The following RARRES1 variants were observed in gnomAD, a reference collection of about 807,000 sequenced individuals.
RARRES1 encodes the protein retinoic acid receptor responder 1.
A neutral mutation model predicts 30.6 loss-of-function variants in RARRES1; 34 were observed. The observed-to-expected ratio is 1.11, with a 90% CI of 0.84 to 1.48. RARRES1 has a LOEUF of 1.48. Among genes scored for constraint, RARRES1 ranks in the 40% most tolerant of loss-of-function variants. The pLI is 0.00. For synonymous variants in RARRES1, 153 were observed against 155.5 expected (o/e 0.98, Z 0.12); for missense variants, 373 against 386.5 (o/e 0.97, Z 0.29).
chr3:158,715,311 C>T (rs956019639), intron 1 of RARRES1, among the ~76,000 whole-genome samples: 9 of 152,328 alleles, frequency 5.9e-5, no homozygotes, highest in East Asian at 1.9e-4. Flanking sequence ...TGTGGCAGAT[C>T]GCAGCCTGCG....
intron 1 of RARRES1, among the ~76,000 whole-genome samples, chr3:158,730,947 C>G (rs1211594697): frequency 1.3e-5 from 2 of 152,062 alleles, no homozygotes; most frequent in East Asian, 3.9e-4. Context: ...CCACACCCAG[C>G]TAATTTTGTA....
In RARRES1 at chr3:158,731,835, A is replaced by C. The variant is rs1727897358; in HGVS notation, c.276+305T>G. Among the ~76,000 whole-genome samples the C allele has an allele frequency of 2.0e-5, 3 of 152,312 alleles. No individual in the cohort carries two copies. In the South Asian group the frequency reaches 6.2e-4, roughly 32 times the overall value. ...TTTCAGCCTGTTCCTCAATTTCCCA[A>C]AGCATCTCTTTCCCAGGTGTGGGAG... On this transcript the variant is annotated intron_variant, in intron 1 of 5. Transcript: ENST00000237696.
At position 158,708,188 on chromosome 3, in the gene RARRES1, G is replaced by C. The variant is rs529306009; in HGVS notation, c.535+2550C>G. On this transcript the variant is annotated intron_variant, in intron 3 of 5. Transcript: ENST00000237696. ...CAATATCTTGGATATAAACTTTTTTGCTTATTTTGCTTTTAAGAGGTTTCC... is the reference window on the plus strand; with the variant it reads ...CAATATCTTGGATATAAACTTTTTTCCTTATTTTGCTTTTAAGAGGTTTCC... Among the ~76,000 whole-genome samples, 15 of 152,010 alleles carry C rather than the reference G, an allele frequency of 9.9e-5. No individual in the cohort carries two copies. In the South Asian group the frequency reaches 3.1e-3, roughly 32 times the overall value.
At chr3:158,721,473 T>G (rs1727508091) in intron 1 of RARRES1, among the ~76,000 whole-genome samples, 1 of 152,150 alleles carries the variant, frequency 6.6e-6, no homozygotes, top group Admixed American at 6.5e-5. Flanking sequence ...CTTGGAGAAC[T>G]CTCTAGCTAC....
In RARRES1 at chr3:158,723,140, G is replaced by A. The variant is rs1727571364; in HGVS notation, c.276+9000C>T. On this transcript the variant is annotated intron_variant, in intron 1 of 5. Transcript: ENST00000237696. The surrounding 1 kb of genome is among the most constrained non-coding windows in gnomAD (Gnocchi z 4.4). Reference sequence around the variant, plus strand: ...TTGTGTTAGTGCCGGTTGTGACAACGTTAATTTCCTGTTCTCAGGCTGGCA... The same window carrying A: ...TTGTGTTAGTGCCGGTTGTGACAACATTAATTTCCTGTTCTCAGGCTGGCA... Among the ~76,000 whole-genome samples the A allele has an allele frequency of 6.6e-6, 1 of 152,084 alleles. No individual in the cohort carries two copies. Among genetic ancestry groups the A allele is most frequent in the African/African-American group, 2.4e-5 (1 of 41,406 alleles).
chr3:158,729,203 A>G (rs1302046769), intron 1 of RARRES1, among the ~76,000 whole-genome samples: 1 of 151,894 alleles, frequency 6.6e-6, no homozygotes, highest in Non-Finnish European at 1.5e-5. Context: ...GAAAAGACTT[A>G]AATAACCTTT....
chr3:158,728,027 G>A (rs1727746341), intron 1 of RARRES1, among the ~76,000 whole-genome samples: 1 of 152,176 alleles, frequency 6.6e-6, no homozygotes, highest in African/African-American at 2.4e-5. Flanking sequence ...AGCGCGAGAA[G>A]AGGTCTTAAA....
intron 1 of RARRES1, among the ~76,000 whole-genome samples, chr3:158,730,567 G>A (rs947721251): frequency 3.3e-5 from 5 of 151,650 alleles, no homozygotes; most frequent in Non-Finnish European, 7.4e-5. Flanking sequence ...CTGAGTAGCT[G>A]GGACCACAGG....
At position 158,704,836 on chromosome 3, in the gene RARRES1, CTG is replaced by C. The variant is rs1726860965; in HGVS notation, c.625_626del (p.Gln209GlyfsTer11). The C allele has an allele frequency of 6.2e-7, 1 of 1,613,966 alleles. No individual in the cohort carries two copies. Among genetic ancestry groups the C allele is most frequent in the South Asian group, 1.1e-5 (1 of 91,080 alleles). On this transcript the variant is annotated frameshift_variant, in exon 4 of 6. Coordinates refer to ENST00000237696, the MANE Select transcript of RARRES1 (RefSeq NM_206963.2). LOFTEE classifies it high-confidence loss of function. ...SSYVMWEMTT[Q>X]VSHYYLAQLT... ...GCTGTGCCAAGTAGTAGTGTGACAC[CTG>C]TGTTGTCATTTCCCACATCACGTAA...
At chr3:158,717,953 T>C (rs1254509854) in intron 1 of RARRES1, among the ~76,000 whole-genome samples, 1 of 150,950 alleles carries the variant, frequency 6.6e-6, no homozygotes, top group Non-Finnish European at 1.5e-5. Flanking sequence ...TCAGAAATCA[T>C]CACTAGAATA....
chr3:158,710,714 G>A, intron 3 of RARRES1, 24 bp downstream of exon 3: 1 of 1,554,346 alleles, frequency 6.4e-7, no homozygotes, highest in Non-Finnish European at 8.8e-7. Flanking sequence ...CCTGAATATA[G>A]AAATTCCAAA....
chr3:158,703,659 CA>C (rs1726809748), intron 4 of RARRES1, among the ~76,000 whole-genome samples: 1 of 152,156 alleles, frequency 6.6e-6, no homozygotes, highest in Admixed American at 6.5e-5. Flanking sequence ...ATGAAATGGG[CA>C]GTTCTCAGTC....
In RARRES1 at chr3:158,723,067, C is replaced by G. The variant is rs1363466540; in HGVS notation, c.276+9073G>C. On this transcript the variant is annotated intron_variant, in intron 1 of 5. Transcript: ENST00000237696. This position sits in a 1 kb window ranked among gnomAD's most constrained non-coding sequence, Gnocchi z 4.4. ...TACAGAAAACACTTCCCATTTTTCC[C>G]CCTCTCTGCAGTGTCTGTCATTGGT... Among the ~76,000 whole-genome samples the G allele has an allele frequency of 6.6e-6, 1 of 151,836 alleles. No individual in the cohort carries two copies.
intron 1 of RARRES1, among the ~76,000 whole-genome samples, chr3:158,731,089 C>T (rs1376360302): frequency 1.3e-5 from 2 of 152,140 alleles, no homozygotes; most frequent in East Asian, 3.9e-4. Flanking sequence ...GGCCAGGTTG[C>T]CTTTTTCTAG....
chr3:158,701,509 T>C (rs1726721891), intron 4 of RARRES1, among the ~76,000 whole-genome samples: 1 of 152,190 alleles, frequency 6.6e-6, no homozygotes, highest in African/African-American at 2.4e-5. Context: ...GGAAAAATTA[T>C]AATCTTCATA....
chr3:158,697,485 G>T lies in RARRES1; in HGVS notation c.*193C>A. 1.7e-6 allele frequency: 1 copy of T among 589,888 alleles called. No individual in the cohort carries two copies. The highest frequency in any genetic ancestry group is 2.9e-6 in the Non-Finnish European group (1 of 346,172). 36.5% of individuals were successfully genotyped at this position (589,888 alleles called of 1,614,324 possible). On this transcript the variant is annotated 3_prime_UTR_variant, in exon 6 of 6. Transcript: ENST00000237696. The stretch of plus-strand genomic sequence containing the variant: ...GCACTGAGCAGAGTTCAGTGTGCAT[G>T]CGCTTCCAGAGTTAAAAGCTAAAGC...
In RARRES1 at chr3:158,726,790, C is replaced by T. The variant is rs369396933; in HGVS notation, c.276+5350G>A. On this transcript the variant is annotated intron_variant, in intron 1 of 5. Coordinates refer to ENST00000237696, the MANE Select transcript of RARRES1 (RefSeq NM_206963.2). ...TGGGTGTGTTTTCTTGCTAGAAAGACTGTGATATGATTTGGATGTTTGTCC... is the reference window on the plus strand; with the variant it reads ...TGGGTGTGTTTTCTTGCTAGAAAGATTGTGATATGATTTGGATGTTTGTCC... Among the ~76,000 whole-genome samples, 64 of 152,300 alleles carry T rather than the reference C, an allele frequency of 4.2e-4. No individual in the cohort carries two copies. In the South Asian group the frequency reaches 9.3e-3, roughly 22 times the overall value.
intron 1 of RARRES1, among the ~76,000 whole-genome samples, chr3:158,727,094 A>G (rs1727718974): frequency 6.6e-6 from 1 of 152,150 alleles, no homozygotes; most frequent in South Asian, 2.1e-4. Context: ...TGCCAGCACC[A>G]CACTTCCTGG....
intron 1 of RARRES1, among the ~76,000 whole-genome samples, chr3:158,718,013 C>G (rs1364210658): frequency 6.8e-6 from 1 of 146,910 alleles, no homozygotes; most frequent in Non-Finnish European, 1.5e-5. Context: ...GAGTCTTGCT[C>G]TGTCGCCCAG....
Sources: gnomAD v4.1 joint callset for allele counts (sites outside exome capture counted in the v4.1 genomes callset) on GRCh38, gnomAD v4.1.1 for gene constraint, Gnocchi (gnomAD v3.1) non-coding constraint, MANE v1.5 for transcripts, NCBI Gene and HGNC (gene_info 2026-07-23, HGNC 2026-07-21) for gene names.